Variants in FRMD4A observed in about 807,000 individuals in gnomAD.
FRMD4A encodes FERM domain-containing protein 4A.
Under a neutral mutation model 129.1 loss-of-function variants are expected in FRMD4A, and 29 were observed. The observed-to-expected ratio is 0.22, with a 90% CI of 0.17 to 0.31. The LOEUF (loss-of-function observed/expected upper bound fraction) is 0.31. Ranked by LOEUF, FRMD4A falls within the 10% of genes least tolerant of loss-of-function variation. The probability of loss-of-function intolerance (pLI) is 1.00; values close to 1 mark genes in which losing one functional copy is unlikely to be tolerated. For missense variants in FRMD4A, 1,272 were observed against 1,375.8 expected, an observed-to-expected ratio of 0.92 and a Z score of 1.19; for synonymous variants, 634 against 571.6, an observed-to-expected ratio of 1.11 and a Z score of -1.56.
chr10:13,878,851 G>GGAAGGAAGGAAC (rs1268431293), intron 2 of FRMD4A, among the ~76,000 whole-genome samples: 1 of 150,982 alleles, frequency 6.6e-6, no homozygotes, highest in Non-Finnish European at 1.5e-5. Flanking sequence ...AAGGAAGGAA[G>GGAAGGAAGGAAC]GAACCTGGAA....
At chr10:13,761,265 GA>G in intron 8 of FRMD4A, among the ~76,000 whole-genome samples, 1 of 152,194 alleles carries the variant, frequency 6.6e-6, no homozygotes, top group South Asian at 2.1e-4. Flanking sequence ...TACATTGAGA[GA>G]AAAAAAGATG....
Position 13,808,977 on chromosome 10 carries a change from G to A in FRMD4A, c.206+1837C>T, listed in dbSNP as rs997439627. On this transcript the variant is annotated intron_variant, in intron 4 of 24. Transcript: ENST00000357447. Reference sequence around the variant, plus strand: ...TTTATCCAGCCTGGCTTCTACGCACGCACACACGCACGCACACACGCATGC... The same window carrying A: ...TTTATCCAGCCTGGCTTCTACGCACACACACACGCACGCACACACGCATGC... 4.6e-5 allele frequency among the ~76,000 whole-genome samples: 7 copies of A among 151,056 alleles called. No individual in the cohort carries two copies. In the East Asian group the frequency reaches 1.2e-3, roughly 25 times the overall value.
At chr10:14,046,806 C>T (rs1036792791) in intron 2 of FRMD4A, among the ~76,000 whole-genome samples, 4 of 152,170 alleles carry the variant, frequency 2.6e-5, no homozygotes, top group Non-Finnish European at 4.4e-5. Context: ...GGTTTTGTGG[C>T]TGCTCTGATG....
At chr10:13,830,305 T>C (rs941200751) in intron 3 of FRMD4A, among the ~76,000 whole-genome samples, 12 of 152,190 alleles carry the variant, frequency 7.9e-5, no homozygotes, top group African/African-American at 2.7e-4. Flanking sequence ...GAGATTTTGT[T>C]GTCTGGGCTG....
chr10:14,244,627 G>C (rs565373180), intron 2 of FRMD4A, among the ~76,000 whole-genome samples: 1 of 152,266 alleles, frequency 6.6e-6, no homozygotes, highest in African/African-American at 2.4e-5. Flanking sequence ...AAAACGAAAT[G>C]AAAAACCAAC....
intron 2 of FRMD4A, among the ~76,000 whole-genome samples, chr10:13,860,608 A>C (rs1445779726): frequency 6.6e-6 from 1 of 152,134 alleles, no homozygotes; most frequent in African/African-American, 2.4e-5. Flanking sequence ...CTTTAAGCAG[A>C]TCTAAAGAAA....
At chr10:13,659,554 C>T in intron 20 of FRMD4A, 64 bp from the exon 21 acceptor site, 3 of 1,506,160 alleles carry the variant, frequency 2.0e-6, no homozygotes, top group Non-Finnish European at 2.7e-6. Flanking sequence ...GGGGGGCTGG[C>T]TAGTTCAGGA....
intron 2 of FRMD4A, among the ~76,000 whole-genome samples, chr10:14,275,665 G>T (rs1845313735): frequency 6.6e-6 from 1 of 152,184 alleles, no homozygotes; most frequent in African/African-American, 2.4e-5. Flanking sequence ...TGGTCAAGGT[G>T]GTTAACTGCA....
intron 2 of FRMD4A, among the ~76,000 whole-genome samples, chr10:14,270,823 G>T (rs1352017051): frequency 2.6e-5 from 4 of 152,286 alleles, no homozygotes; most frequent in South Asian, 2.1e-4. Flanking sequence ...AAACTTCTAA[G>T]TAAAGACCAA....
intron 2 of FRMD4A, among the ~76,000 whole-genome samples, chr10:14,140,851 A>C (rs1198070981): frequency 1.3e-5 from 2 of 152,158 alleles, no homozygotes; most frequent in African/African-American, 2.4e-5. Flanking sequence ...TTTTCAGGAA[A>C]CTAGGGAGTT....
At chr10:14,301,317 T>C (rs1204433534) in intron 2 of FRMD4A, among the ~76,000 whole-genome samples, 1 of 152,222 alleles carries the variant, frequency 6.6e-6, no homozygotes, top group Middle Eastern at 3.2e-3. Context: ...TGTGATTCCT[T>C]CTACAAACTA....
At chr10:13,978,748 G>C (rs991973378) in intron 2 of FRMD4A, among the ~76,000 whole-genome samples, 2 of 152,134 alleles carry the variant, frequency 1.3e-5, no homozygotes, top group African/African-American at 4.8e-5. Flanking sequence ...GAAACTCACT[G>C]TGTTCATCTT....
At chr10:13,958,627 C>T (rs1385558744) in intron 2 of FRMD4A, among the ~76,000 whole-genome samples, 3 of 150,298 alleles carry the variant, frequency 2.0e-5, no homozygotes, top group Admixed American at 6.7e-5. Context: ...CTCTTCTTGC[C>T]CAGGCTGGAG....
At chr10:14,050,016 C>T (rs1188015589) in intron 2 of FRMD4A, among the ~76,000 whole-genome samples, 1 of 152,138 alleles carries the variant, frequency 6.6e-6, no homozygotes, top group African/African-American at 2.4e-5. Context: ...GCAAGAGCTG[C>T]CTTTGACTGT....
intron 12 of FRMD4A, among the ~76,000 whole-genome samples, chr10:13,718,872 A>G (rs886204056): frequency 2.6e-5 from 4 of 152,178 alleles, no homozygotes; most frequent in African/African-American, 7.2e-5. Flanking sequence ...TTTATGCTCT[A>G]ATGTCTTCCT....
At chr10:13,913,496 C>A (rs1412501021) in intron 2 of FRMD4A, among the ~76,000 whole-genome samples, 1 of 152,134 alleles carries the variant, frequency 6.6e-6, no homozygotes, top group Non-Finnish European at 1.5e-5. Flanking sequence ...GGCCACCATC[C>A]CCAGGCTTCA....
intron 2 of FRMD4A, among the ~76,000 whole-genome samples, chr10:13,899,334 C>A (rs2094794035): frequency 6.6e-6 from 1 of 152,180 alleles, no homozygotes; most frequent in Non-Finnish European, 1.5e-5. Context: ...TTAATTTAAT[C>A]ATCATGGGAT....
Position 13,656,729 on chromosome 10 carries a change from C to T in FRMD4A, c.2860G>A (p.Asp954Asn). 6.3e-7 allele frequency: 1 copy of T among 1,593,272 alleles called. No homozygotes were observed. Among genetic ancestry groups the T allele is most frequent in the Non-Finnish European group, 8.5e-7 (1 of 1,171,012 alleles). The part of the protein sequence containing the change: ...RLSHTSSTSS[D>N]SGSQYSTSSQ... ...GAGGTGCTGTACTGCGAGCCGCTGT[C>T]CGAGGAGGTGGAGCTGGTGTGCGAC... Residue 954 changes from aspartate to asparagine, a missense_variant, in exon 22 of 25, where the codon GAC (aspartate) becomes AAC (asparagine). Asp to Asn is a conservative substitution (Grantham distance 23). Around this residue, in one of 2 missense-constraint regions of FRMD4A, gnomAD observed 972 missense variants for 892.3 expected, o/e 1.09. Coordinates refer to ENST00000357447, the MANE Select transcript of FRMD4A (RefSeq NM_018027.5).
intron 2 of FRMD4A, among the ~76,000 whole-genome samples, chr10:14,234,038 G>A (rs1004044032): frequency 6.6e-6 from 1 of 152,176 alleles, no homozygotes; most frequent in South Asian, 2.1e-4. Context: ...CAAGCTAATG[G>A]CAGAGAAGAC....
Sources: allele counts gnomAD v4.1 joint callset (sites outside exome capture counted in the v4.1 genomes callset), GRCh38; gene constraint gnomAD v4.1.1; regional missense constraint gnomAD v4.1.1; transcripts MANE v1.5; gene names NCBI Gene and HGNC (gene_info 2026-07-23, HGNC 2026-07-21).